The following PRKN variants were observed in gnomAD, a reference collection of about 807,000 sequenced individuals.
PRKN encodes parkin RBR E3 ubiquitin protein ligase, also known as E3 ubiquitin-protein ligase parkin.
Under a neutral mutation model 59.5 loss-of-function variants are expected in PRKN, and 56 were observed. The observed-to-expected ratio is 0.94, with a 90% CI of 0.76 to 1.18. The LOEUF is 1.18. Among genes scored for constraint, PRKN ranks in the 50% most tolerant of loss-of-function variants. PRKN has a pLI of 0.00. For missense variants in PRKN, 657 were observed against 596.4 expected (o/e 1.10, Z -1.06); for synonymous variants, 250 against 222.1 (o/e 1.13, Z -1.12).
intron 7 of PRKN, 142 bp downstream of exon 7, chr6:161,785,630 A>C: frequency 2.4e-6 from 2 of 841,694 alleles, no homozygotes; most frequent in East Asian, 5.3e-5. Flanking sequence ...TGCGATCCAA[A>C]CATTAATGTT....
rs1562354974 is a variant in PRKN at position 161,874,368 on chromosome 6, AATATTATATATAAAATAT to A, written c.735-88478_735-88461del. 2.0e-3 allele frequency among the ~76,000 whole-genome samples: 181 copies of A among 92,164 alleles called. 3 individuals carry two copies. Among genetic ancestry groups the A allele is most frequent in the Non-Finnish European group, 2.3e-3 (122 of 53,814 alleles). 60.5% of individuals were successfully genotyped at this position (92,164 alleles called of 152,430 possible). A position where few individuals can be genotyped will look rare whatever the true frequency, so the allele number is the denominator to read the frequency against. ...TATATAAAATATATATTATATGTAA[AATATTATATATAAAATAT>A]ATATTATATGTAAAATATTATATAT... On this transcript the variant is annotated intron_variant, in intron 6 of 11. Transcript: ENST00000366898.
intron 6 of PRKN, among the ~76,000 whole-genome samples, chr6:161,955,267 T>C (rs1780129782): frequency 6.6e-6 from 1 of 152,088 alleles, no homozygotes; most frequent in South Asian, 2.1e-4. Flanking sequence ...AGCACCACCC[T>C]TCATTGGTGA....
At chr6:162,495,818 T>C (rs1451996945) in intron 1 of PRKN, among the ~76,000 whole-genome samples, 1 of 152,188 alleles carries the variant, frequency 6.6e-6, no homozygotes, top group Non-Finnish European at 1.5e-5. Context: ...CTCACCAGGT[T>C]CTCACCATCC....
intron 2 of PRKN, among the ~76,000 whole-genome samples, chr6:162,311,632 A>T (rs936710997): frequency 2.6e-5 from 4 of 151,622 alleles, no homozygotes; most frequent in Non-Finnish European, 5.9e-5. Flanking sequence ...ACAGGTGCGT[A>T]CCACCATGCC....
At chr6:162,065,083 G>C (rs1296282191) in intron 4 of PRKN, among the ~76,000 whole-genome samples, 1 of 152,208 alleles carries the variant, frequency 6.6e-6, no homozygotes, top group South Asian at 2.1e-4. Context: ...GTATATGAAA[G>C]GGAGTTTATT....
chr6:161,438,204 G>T (rs1789014762), intron 9 of PRKN, among the ~76,000 whole-genome samples: 1 of 147,254 alleles, frequency 6.8e-6, no homozygotes, highest in South Asian at 2.2e-4. Context: ...CTTACAGGGA[G>T]AATTCTGTTA....
At chr6:162,639,179 T>C (rs1777866153) in intron 1 of PRKN, among the ~76,000 whole-genome samples, 1 of 152,190 alleles carries the variant, frequency 6.6e-6, no homozygotes, top group Admixed American at 6.5e-5. Context: ...ATTCACCGCA[T>C]GCTTATCCCT....
rs1264574063 is a variant in PRKN, at chr6:161,405,026, T to C, written c.1084-18149A>G. 6.6e-6 allele frequency among the ~76,000 whole-genome samples: 1 copy of C among 152,190 alleles called. No homozygotes were observed. The highest frequency in any genetic ancestry group is 2.4e-5 in the African/African-American group (1 of 41,430). On this transcript the variant is annotated intron_variant, in intron 9 of 11. Transcript: ENST00000366898. The surrounding 1 kb of genome is among the most constrained non-coding windows in gnomAD (Gnocchi z 5.1). ...ATACGTTTAATGTTTTATATTTTCA[T>C]TGAAGGCAGGAAGATAGACTAAATG...
chr6:161,760,704 C>G lies in PRKN; in HGVS notation c.871+25068G>C, dbSNP rs368331078. On this transcript the variant is annotated intron_variant, in intron 7 of 11. Coordinates refer to ENST00000366898, the MANE Select transcript of PRKN (RefSeq NM_004562.3). Reference sequence around the variant, plus strand: ...GTGGTCGTGGGACACAGAACCCCGTCCATGGCTGAACTAAGGAAAAGTCCT... The same window carrying G: ...GTGGTCGTGGGACACAGAACCCCGTGCATGGCTGAACTAAGGAAAAGTCCT... 1.2e-3 allele frequency among the ~76,000 whole-genome samples: 186 copies of G among 152,314 alleles called. 6 individuals carry two copies. The South Asian group carries it at 0.038, about 31-fold the overall frequency.
At chr6:161,965,841 A>G (rs1348740069) in intron 6 of PRKN, among the ~76,000 whole-genome samples, 1 of 152,048 alleles carries the variant, frequency 6.6e-6, no homozygotes, top group Non-Finnish European at 1.5e-5. Flanking sequence ...GGTTAAGACA[A>G]AAGACTGTGG....
At chr6:161,569,490 T>G in intron 7 of PRKN, 74 bp from the exon 8 acceptor site, 1 of 1,253,330 alleles carries the variant, frequency 8.0e-7, no homozygotes, top group Non-Finnish European at 1.2e-6. Context: ...CACAGAGTTA[T>G]GACTATCAAC....
At chr6:162,711,194 C>A (rs886994044) in intron 1 of PRKN, among the ~76,000 whole-genome samples, 1 of 152,208 alleles carries the variant, frequency 6.6e-6, no homozygotes, top group Non-Finnish European at 1.5e-5. Context: ...AAAGACCAGG[C>A]ATTTCATATT....
chr6:161,497,554 G>GTCTCTC lies in PRKN; in HGVS notation c.1083+51294_1083+51299dup, dbSNP rs34342732. 6.1e-5 allele frequency among the ~76,000 whole-genome samples: 9 copies of GTCTCTC among 148,696 alleles called. No individual in the cohort carries two copies. The South Asian group carries it at 1.5e-3, about 25-fold the overall frequency. ...CTGTGTGTGTGCACAGTGCTTACAT[G>GTCTCTC]TCTCTCTCTCTCTCTCTCTCTCTCA... On this transcript the variant is annotated intron_variant, in intron 9 of 11. Coordinates refer to ENST00000366898, the MANE Select transcript of PRKN (RefSeq NM_004562.3). This position sits in a 1 kb window ranked among gnomAD's most constrained non-coding sequence, Gnocchi z 4.6.
chr6:161,651,375 G>A (rs1178562531), intron 7 of PRKN, among the ~76,000 whole-genome samples: 2 of 152,190 alleles, frequency 1.3e-5, no homozygotes, highest in African/African-American at 2.4e-5. Flanking sequence ...TATGGGCCAG[G>A]TGCTGTCAAC....
At chr6:162,455,664 C>T (rs1238599764) in intron 1 of PRKN, among the ~76,000 whole-genome samples, 2 of 152,070 alleles carry the variant, frequency 1.3e-5, no homozygotes, top group Non-Finnish European at 2.9e-5. Context: ...AAATTAACTC[C>T]TATTGGCTGT....
chr6:162,219,735 C>G (rs1256150542), intron 3 of PRKN, among the ~76,000 whole-genome samples: 1 of 151,982 alleles, frequency 6.6e-6, no homozygotes, highest in Non-Finnish European at 1.5e-5. Flanking sequence ...ATTCTTCGGT[C>G]CATGAGTAAA....
intron 6 of PRKN, among the ~76,000 whole-genome samples, chr6:161,967,378 A>G (rs1408642423): frequency 2.6e-5 from 4 of 152,180 alleles, no homozygotes; most frequent in African/African-American, 9.7e-5. Flanking sequence ...TTTATAAGCT[A>G]TGAAGAAGTC....
chr6:161,662,177 G>T (rs1052296404), intron 7 of PRKN, among the ~76,000 whole-genome samples: 1 of 152,206 alleles, frequency 6.6e-6, no homozygotes, highest in East Asian at 1.9e-4. Flanking sequence ...GCCATCAGGG[G>T]TGGAATAAAA....
intron 1 of PRKN, among the ~76,000 whole-genome samples, chr6:162,620,703 C>T (rs558007219): frequency 4.8e-5 from 7 of 147,154 alleles, no homozygotes; most frequent in Admixed American, 3.5e-4. Context: ...ACACCCAACA[C>T]ATTTGCATAT....
Sources: gnomAD v4.1 joint callset for allele counts (sites outside exome capture counted in the v4.1 genomes callset) on GRCh38, gnomAD v4.1.1 for gene constraint, Gnocchi (gnomAD v3.1) non-coding constraint, MANE v1.5 for transcripts, NCBI Gene and HGNC (gene_info 2026-07-23, HGNC 2026-07-21) for gene names.